CLIP1: variants seen among roughly 807,000 people sequenced by gnomAD.
CLIP1 encodes CAP-Gly domain-containing linker protein 1.
CLIP1 carries 66 observed loss-of-function variants against 161.6 expected under a neutral mutation model. That is an observed-to-expected ratio of 0.41 (90% CI 0.33 to 0.50). The LOEUF is 0.50. Ranked by LOEUF, CLIP1 falls within the 20% of genes least tolerant of loss-of-function variation. CLIP1 has a pLI of 0.27. For missense variants in CLIP1, 1,376 were observed against 1,702.0 expected (o/e 0.81, Z 3.37); for synonymous variants, 598 against 626.2 (o/e 0.96, Z 0.67).
At chr12:122,357,272 C>T (rs536923738) in intron 5 of CLIP1, among the ~76,000 whole-genome samples, 33 of 150,832 alleles carry the variant, frequency 2.2e-4, no homozygotes, top group African/African-American at 7.3e-4. Context: ...ATGTGAGGAG[C>T]GCCTCTACCT....
chr12:122,363,138 A>G (rs1057018435), intron 4 of CLIP1, among the ~76,000 whole-genome samples: 7 of 152,196 alleles, frequency 4.6e-5, no homozygotes, highest in African/African-American at 7.2e-5. Context: ...TTTGAAAAGA[A>G]AAGTGGGAAA....
At position 122,365,599 on chromosome 12, in the gene CLIP1, G is replaced by A. The variant is rs566414766; in HGVS notation, c.658-1492C>T. The A allele has an allele frequency of 6.5e-5, 79 of 1,220,032 alleles. 1 individual carries two copies. The East Asian group carries it at 1.8e-3, about 28-fold the overall frequency. 75.6% of individuals were successfully genotyped at this position (1,220,032 alleles called of 1,614,324 possible). On this transcript the variant is annotated intron_variant, in intron 3 of 25. Transcript: ENST00000620786. The stretch of plus-strand genomic sequence containing the variant: ...GAACCAATGGGAAGGAGCCTGAGCT[G>A]CTGGAACCTATTCCCTATGAATTCA...
intron 20 of CLIP1, among the ~76,000 whole-genome samples, chr12:122,307,049 G>T (rs565130574): frequency 8.4e-6 from 1 of 118,458 alleles, no homozygotes; most frequent in Non-Finnish European, 1.6e-5. Flanking sequence ...TCACTCTGTC[G>T]CCCAGGCTGG....
At chr12:122,384,692 C>T (rs973790946) in intron 1 of CLIP1, among the ~76,000 whole-genome samples, 9 of 151,082 alleles carry the variant, frequency 6.0e-5, no homozygotes, top group Admixed American at 2.6e-4. Flanking sequence ...ACCCAGGAGG[C>T]GGAGGTTACA....
At position 122,340,511 on chromosome 12, in the gene CLIP1, G is replaced by C. The variant is rs193271117; in HGVS notation, c.2451+242C>G. ...GCATAGCCCAGAGATAAATAGATCAGGTACCCAGATAACAGGCAACCAAAA... is the reference window on the plus strand; with the variant it reads ...GCATAGCCCAGAGATAAATAGATCACGTACCCAGATAACAGGCAACCAAAA... On this transcript the variant is annotated intron_variant, in intron 11 of 25. Transcript: ENST00000620786. Among the ~76,000 whole-genome samples, 5 of 152,280 alleles carry C rather than the reference G, an allele frequency of 3.3e-5. No individual in the cohort carries two copies. The East Asian group carries it at 9.6e-4, about 29-fold the overall frequency.
intron 24 of CLIP1, 91 bp downstream of exon 24, chr12:122,278,062 CA>C: frequency 8.8e-7 from 1 of 1,138,364 alleles, no homozygotes. Context: ...CTAAATGATA[CA>C]AAAGGCATCA....
chr12:122,328,139 G>A lies in CLIP1; in HGVS notation c.3057C>T (p.His1019=), dbSNP rs1951780366. Residue 1019 remains histidine, a synonymous_variant, in exon 17 of 26, where the codon CAC becomes CAT. Transcript: ENST00000620786. The part of the protein sequence containing the change: ...SDLEKKMETS[H]NQCQELKARY... ...TGGCTTTCAGCTCCTGACACTGGTT[G>A]TGGCTTGTTTCCATTTTCTTTTCCT... 6.2e-7 allele frequency: 1 copy of A among 1,614,022 alleles called. No individual in the cohort carries two copies. Among genetic ancestry groups the A allele is most frequent in the Admixed American group, 1.7e-5 (1 of 59,982 alleles).
At chr12:122,381,784 A>G (rs1955022672) in intron 1 of CLIP1, among the ~76,000 whole-genome samples, 1 of 152,228 alleles carries the variant, frequency 6.6e-6, no homozygotes, top group African/African-American at 2.4e-5. Context: ...CGGATGGAAC[A>G]GTGCCCTCCC....
Position 122,272,831 on chromosome 12 carries a change from T to C in CLIP1, c.*44A>G, listed in dbSNP as rs1261000031. 6.5e-7 allele frequency: 1 copy of C among 1,531,694 alleles called. No individual in the cohort carries two copies. The highest frequency in any genetic ancestry group is 9.1e-7 in the Non-Finnish European group (1 of 1,104,888). 94.9% of individuals were successfully genotyped at this position (1,531,694 alleles called of 1,614,324 possible). ...CAATGCTGGTGTTACGTTGTGTCAA[T>C]GCGAGTGCGTCTGAGCAAGCCCAGT... On this transcript the variant is annotated 3_prime_UTR_variant, in exon 26 of 26. Transcript: ENST00000620786.
intron 15 of CLIP1, among the ~76,000 whole-genome samples, chr12:122,331,831 C>T (rs1245398543): frequency 2.0e-5 from 3 of 151,178 alleles, no homozygotes; most frequent in East Asian, 2.0e-4. Context: ...CTCATCTTTA[C>T]TATAAATACA....
At chr12:122,377,246 G>C (rs992552803) in intron 3 of CLIP1, 143 bp downstream of exon 3, 8 of 688,336 alleles carry the variant, frequency 1.2e-5, no homozygotes, top group Non-Finnish European at 1.9e-5. Flanking sequence ...CTGACCTCGT[G>C]ATCCACCCGC....
At chr12:122,353,041 C>T (rs902791327) in intron 7 of CLIP1, among the ~76,000 whole-genome samples, 2 of 150,558 alleles carry the variant, frequency 1.3e-5, no homozygotes, top group Non-Finnish European at 3.0e-5. Context: ...TGAATTCAAG[C>T]AGACAGCCAC....
Position 122,377,615 on chromosome 12 carries a change from C to T in CLIP1, c.431G>A (p.Arg144Gln), listed in dbSNP as rs146947032. The T allele has an allele frequency of 1.4e-5, 23 of 1,613,676 alleles. No individual in the cohort carries two copies. The highest frequency in any genetic ancestry group is 1.7e-5 in the Non-Finnish European group (20 of 1,179,976). ...AGAAGTGCACAGCGGTGAAGTAGCT[C>T]GGGAGGCGGGCGTTGTCTGCAGGCC... ...ANGLQTTPAS[R>Q]ATSPLCTSTA... The change falls in exon 3 of 26, where the codon CGA (arginine) becomes CAA (glutamine). Residue 144 changes from arginine (R) to glutamine (Q), a missense_variant. By Grantham distance (43) the Arg-to-Gln change is conservative (BLOSUM62 1). Around this residue, in one of 6 missense-constraint regions of CLIP1, gnomAD observed 119 missense variants for 112.0 expected, o/e 1.06. Coordinates refer to ENST00000620786, the MANE Select transcript of CLIP1 (RefSeq NM_001247997.2).
At chr12:122,283,006 T>C (rs532162976) in intron 21 of CLIP1, among the ~76,000 whole-genome samples, 3 of 152,324 alleles carry the variant, frequency 2.0e-5, no homozygotes, top group African/African-American at 7.2e-5. Flanking sequence ...GGGGGCTTTA[T>C]TGTCAAACCA....
chr12:122,366,373 C>T (rs1329345976), intron 3 of CLIP1, among the ~76,000 whole-genome samples: 1 of 151,690 alleles, frequency 6.6e-6, no homozygotes, highest in African/African-American at 2.4e-5. Context: ...ATAATCCCAG[C>T]ACTTTGGGAG....
chr12:122,385,068 G>A (rs1269150394), intron 1 of CLIP1, among the ~76,000 whole-genome samples: 2 of 151,562 alleles, frequency 1.3e-5, no homozygotes, highest in East Asian at 3.9e-4. Flanking sequence ...GAGTAGCTGG[G>A]ACTACAGGCG....
intron 1 of CLIP1, among the ~76,000 whole-genome samples, chr12:122,387,195 G>A (rs1955314493): frequency 6.6e-6 from 1 of 152,016 alleles, no homozygotes; most frequent in South Asian, 2.1e-4. Context: ...CCCAGCCTCT[G>A]ACTTTCATTA....
chr12:122,412,060 C>CT (rs71082989), intron 1 of CLIP1, among the ~76,000 whole-genome samples: 8,858 of 81,610 alleles, frequency 0.11, 1,594 homozygotes, highest in African/African-American at 0.38. Flanking sequence ...CAGTTATTTT[C>CT]TTTTTTTTTT....
chr12:122,377,403 C>T lies in CLIP1; in HGVS notation c.643G>A (p.Gly215Arg), dbSNP rs771944895. The change falls in exon 3 of 26, where the codon GGA becomes AGA. Residue 215 changes from glycine (G) to arginine (R), a missense_variant. Physicochemically the swap from Gly to Arg is moderately radical, Grantham distance 125 (BLOSUM62 -2). Coordinates refer to ENST00000620786, the MANE Select transcript of CLIP1 (RefSeq NM_001247997.2). ...IKKGERELKI[G>R]DRVLVGGTKA... Reference sequence around the variant, plus strand: ...TCTCTACTCACCAATACTCTGTCTCCGATTTTGAGCTCTCTTTCTCCTTTC... The same window carrying T: ...TCTCTACTCACCAATACTCTGTCTCTGATTTTGAGCTCTCTTTCTCCTTTC... The T allele has an allele frequency of 8.1e-6, 13 of 1,613,200 alleles. No homozygotes were observed. In the East Asian group the frequency reaches 1.1e-4, roughly 14 times the overall value.
Sources: allele counts gnomAD v4.1 joint callset (sites outside exome capture counted in the v4.1 genomes callset), GRCh38; gene constraint gnomAD v4.1.1; regional missense constraint gnomAD v4.1.1; transcripts MANE v1.5; gene names NCBI Gene and HGNC (gene_info 2026-07-23, HGNC 2026-07-21).